SDK1: variants seen among roughly 807,000 people sequenced by gnomAD.
SDK1 encodes sidekick cell adhesion molecule 1.
A neutral mutation model predicts 245.5 loss-of-function variants in SDK1; 157 were observed. The observed-to-expected ratio is 0.64, with a 90% confidence interval of 0.56 to 0.73. SDK1 has a LOEUF of 0.73. SDK1 is among the 30% of genes least tolerant of loss of function. SDK1 has a pLI of 0.00. For missense variants in SDK1, 3,583 were observed against 3,002.3 expected (o/e 1.19, Z -4.52); for synonymous variants, 1,647 against 1,278.5 (o/e 1.29, Z -6.15).
chr7:3,958,399 A>C (rs1420283099), intron 7 of SDK1: 2 of 211,138 alleles, frequency 9.5e-6, no homozygotes, highest in Non-Finnish European at 1.9e-5. Flanking sequence ...CTTTGCTACT[A>C]AAGATAGATG....
At chr7:3,707,365 T>C (rs1339700582) in intron 4 of SDK1, among the ~76,000 whole-genome samples, 1 of 152,246 alleles carries the variant, frequency 6.6e-6, no homozygotes, top group Admixed American at 6.5e-5. Context: ...GTTTTCAAGG[T>C]TCCTTTTGTA....
intron 14 of SDK1, among the ~76,000 whole-genome samples, chr7:3,990,464 T>C (rs1784213605): frequency 6.6e-6 from 1 of 152,246 alleles, no homozygotes; most frequent in Non-Finnish European, 1.5e-5. Flanking sequence ...AGGGTGTTAC[T>C]GATTCAGATA....
intron 1 of SDK1, among the ~76,000 whole-genome samples, chr7:3,319,901 TG>T (rs1779758368): frequency 1.4e-5 from 2 of 146,564 alleles, no homozygotes; most frequent in African/African-American, 2.6e-5. Flanking sequence ...TTTTTGCATT[TG>T]CTTTTCTGAA....
At chr7:3,341,721 C>G (rs1421682453) in intron 1 of SDK1, among the ~76,000 whole-genome samples, 1 of 152,128 alleles carries the variant, frequency 6.6e-6, no homozygotes, top group East Asian at 1.9e-4. Flanking sequence ...GAAAAAGATA[C>G]AAACTTCAAC....
chr7:3,941,020 T>G (rs1004235539), intron 5 of SDK1, among the ~76,000 whole-genome samples: 3 of 151,680 alleles, frequency 2.0e-5, no homozygotes, highest in Non-Finnish European at 4.4e-5. Context: ...CAGAACGCCT[T>G]CCCTTCTCCC....
At chr7:3,864,158 G>A (rs1030785717) in intron 5 of SDK1, among the ~76,000 whole-genome samples, 6 of 152,120 alleles carry the variant, frequency 3.9e-5, no homozygotes, top group African/African-American at 1.4e-4. Flanking sequence ...AAAGAAGTAG[G>A]CTGGTCTATT....
intron 1 of SDK1, among the ~76,000 whole-genome samples, chr7:3,467,006 A>G (rs1781026383): frequency 6.6e-6 from 1 of 150,836 alleles, no homozygotes; most frequent in South Asian, 2.1e-4. Flanking sequence ...ACACACACAC[A>G]CACACACACA....
intron 1 of SDK1, among the ~76,000 whole-genome samples, chr7:3,585,496 C>G (rs560436961): frequency 2.0e-5 from 3 of 152,210 alleles, no homozygotes; most frequent in African/African-American, 4.8e-5. Flanking sequence ...AGGAGGCGCT[C>G]TTGATAAAGG....
rs574542242 is a variant in SDK1, at chr7:3,697,589, A to G, written c.713+55484A>G. 1.2e-3 allele frequency among the ~76,000 whole-genome samples: 185 copies of G among 152,226 alleles called. 2 individuals are homozygous for G. Among genetic ancestry groups the G allele is most frequent in the African/African-American group, 4.3e-3 (177 of 41,548 alleles). ...ACTGTCTTCTTACTGCTTGCCCCAC[A>G]TGATTCTTTGACCATCTTCATCCCC... On this transcript the variant is annotated intron_variant, in intron 4 of 44. Transcript: ENST00000404826.
intron 4 of SDK1, among the ~76,000 whole-genome samples, chr7:3,662,041 ATTTTTTTTTTT>A (rs572659449): frequency 7.2e-5 from 9 of 125,776 alleles, no homozygotes; most frequent in African/African-American, 2.8e-4. Flanking sequence ...CAACGGTTGT[ATTTTTTTTTTT>A]TTTTTTTTTT....
intron 22 of SDK1, among the ~76,000 whole-genome samples, chr7:4,109,203 A>C (rs1223413481): frequency 6.6e-6 from 1 of 152,178 alleles, no homozygotes; most frequent in Non-Finnish European, 1.5e-5. Flanking sequence ...TTGCTGGCTT[A>C]TGCGGTGACT....
intron 5 of SDK1, among the ~76,000 whole-genome samples, chr7:3,941,318 G>C (rs1366897273): frequency 6.6e-6 from 1 of 151,848 alleles, no homozygotes; most frequent in Non-Finnish European, 1.5e-5. Flanking sequence ...GCTCCCACCC[G>C]CTCTAGACAG....
At chr7:4,137,399 A>G (rs1006833480) in intron 28 of SDK1, among the ~76,000 whole-genome samples, 1 of 152,212 alleles carries the variant, frequency 6.6e-6, no homozygotes, top group African/African-American at 2.4e-5. Context: ...TGAGATGCCT[A>G]CAAGGCTTCC....
chr7:3,716,408 A>G (rs1184147844), intron 4 of SDK1, among the ~76,000 whole-genome samples: 1 of 152,224 alleles, frequency 6.6e-6, no homozygotes, highest in African/African-American at 2.4e-5. Context: ...AGAACTCTGA[A>G]AAAAATCTGT....
At chr7:3,363,822 C>T (rs1310248796) in intron 1 of SDK1, among the ~76,000 whole-genome samples, 1 of 152,208 alleles carries the variant, frequency 6.6e-6, no homozygotes, top group Non-Finnish European at 1.5e-5. Flanking sequence ...TGGTTCCTAA[C>T]AGGTCATGGA....
chr7:3,735,876 C>A (rs1237049576), intron 4 of SDK1, among the ~76,000 whole-genome samples: 1 of 152,108 alleles, frequency 6.6e-6, no homozygotes, highest in Non-Finnish European at 1.5e-5. Context: ...AATGGCCATC[C>A]TAATGTGTGA....
chr7:3,873,508 GC>G (rs890817304), intron 5 of SDK1, among the ~76,000 whole-genome samples: 1 of 151,964 alleles, frequency 6.6e-6, no homozygotes, highest in African/African-American at 2.4e-5. Flanking sequence ...GAAAATCCTA[GC>G]CCATTATTTT....
intron 5 of SDK1, among the ~76,000 whole-genome samples, chr7:3,920,487 C>T (rs1400873430): frequency 1.3e-5 from 2 of 151,984 alleles, no homozygotes; most frequent in African/African-American, 4.8e-5. Flanking sequence ...GTGTTTCTAG[C>T]TGGAGTGACT....
At chr7:3,428,990 T>G (rs1017453048) in intron 1 of SDK1, among the ~76,000 whole-genome samples, 2 of 152,182 alleles carry the variant, frequency 1.3e-5, no homozygotes, top group African/African-American at 2.4e-5. Flanking sequence ...GATTCAGAAA[T>G]AAGTTCAGTT....
Sources: gnomAD v4.1 joint callset for allele counts (sites outside exome capture counted in the v4.1 genomes callset) on GRCh38, gnomAD v4.1.1 for gene constraint, MANE v1.5 for transcripts, NCBI Gene and HGNC (gene_info 2026-07-23, HGNC 2026-07-21) for gene names.